Variants in ZNF716 observed in about 807,000 individuals in gnomAD.
The protein encoded by ZNF716 is zinc finger protein 716.
ZNF716 carries 9 observed loss-of-function variants against 13.4 expected under a neutral mutation model. That is an observed-to-expected ratio of 0.67 (90% confidence interval 0.41 to 1.18). The LOEUF (loss-of-function observed/expected upper bound fraction) is 1.18, where lower values mean the gene tolerates loss of function less well. Ranked by LOEUF, ZNF716 falls within the 50% of genes most tolerant of loss-of-function variation. The pLI is 0.01. For synonymous variants in ZNF716, 186 were observed against 195.2 expected, an observed-to-expected ratio of 0.95 and a Z score of 0.39; for missense variants, 581 against 576.6, an observed-to-expected ratio of 1.01 and a Z score of -0.08.
chr7:57,462,520 G>A lies in ZNF716; in HGVS notation c.100G>A (p.Asp34Asn), dbSNP rs782649551. 1.2e-6 allele frequency: 2 copies of A among 1,613,808 alleles called. No homozygotes were observed. Among genetic ancestry groups the A allele is most frequent in the African/African-American group, 2.7e-5 (2 of 74,884 alleles). The stretch of plus-strand genomic sequence containing the variant: ...TTCTCTGGCGGAATGGCAATGCCTG[G>A]ATCATGCTCAGCAGAATTTATATAG... The part of the protein sequence containing the change: ...EFSLAEWQCL[D>N]HAQQNLYRDV... Residue 34 changes from aspartate to asparagine, a missense_variant, in exon 2 of 4, where the codon GAT becomes AAT. Physicochemically the swap from Asp to Asn is conservative, Grantham distance 23. Coordinates refer to ENST00000420713, the MANE Select transcript of ZNF716 (RefSeq NM_001159279.1).
chr7:57,458,277 G>A (rs1209405231), intron 1 of ZNF716, among the ~76,000 whole-genome samples: 3 of 152,114 alleles, frequency 2.0e-5, no homozygotes, highest in Admixed American at 1.3e-4. Flanking sequence ...CACCAGCAGC[G>A]TATAAGCATT....
intron 3 of ZNF716, among the ~76,000 whole-genome samples, chr7:57,466,136 GTAAC>G (rs782463202): frequency 3.8e-4 from 58 of 152,030 alleles, no homozygotes; most frequent in Non-Finnish European, 7.2e-4. Flanking sequence ...GTATACATAT[GTAAC>G]TAACCTGCAC....
At chr7:57,459,457 A>G (rs1291750616) in intron 1 of ZNF716, among the ~76,000 whole-genome samples, 3 of 152,176 alleles carry the variant, frequency 2.0e-5, no homozygotes, top group Non-Finnish European at 4.4e-5. Flanking sequence ...TAGTATTGTG[A>G]CAAATGTGGT....
At chr7:57,458,743 TATAA>T (rs1456737400) in intron 1 of ZNF716, among the ~76,000 whole-genome samples, 43 of 152,312 alleles carry the variant, frequency 2.8e-4, no homozygotes, top group African/African-American at 9.9e-4. Flanking sequence ...TATAGTTATT[TATAA>T]ATAGTTATTT....
At chr7:57,462,235 A>G (rs533874653) in intron 1 of ZNF716, among the ~76,000 whole-genome samples, 11 of 152,068 alleles carry the variant, frequency 7.2e-5, no homozygotes, top group African/African-American at 2.7e-4. Flanking sequence ...TATCATATCT[A>G]CAGTGGTATT....
rs1303592132 is a variant in ZNF716 at position 57,450,196 on chromosome 7, C to T, written c.-93C>T. On this transcript the variant is annotated 5_prime_UTR_variant, in exon 1 of 4. Transcript: ENST00000420713. ...CGGGTTCTTTTTGCTTCTCTGCGCC[C>T]AGAGCTCCAGTCCTTCTCTTCACTG... is the stretch of plus-strand genomic sequence containing the variant. The T allele has an allele frequency of 1.0e-5, 16 of 1,584,950 alleles. No homozygotes were observed. The African/African-American group carries it at 1.5e-4, about 15-fold the overall frequency.
At chr7:57,453,692 C>T (rs1259100657) in intron 1 of ZNF716, among the ~76,000 whole-genome samples, 1 of 152,146 alleles carries the variant, frequency 6.6e-6, no homozygotes, top group Non-Finnish European at 1.5e-5. Flanking sequence ...TGAAAAATGT[C>T]TCTTCCATTA....
chr7:57,471,519 TAA>T lies in ZNF716; in HGVS notation c.*1572_*1573del, dbSNP rs1461697340. 1.3e-5 allele frequency: 2 copies of T among 152,038 alleles called. No homozygotes were observed. Among genetic ancestry groups the T allele is most frequent in the African/African-American group, 4.8e-5 (2 of 41,410 alleles). 9.4% of individuals were successfully genotyped at this position (152,038 alleles called of 1,614,324 possible). A position where few individuals can be genotyped will look rare whatever the true frequency, so the allele number is the denominator to read the frequency against. The stretch of plus-strand genomic sequence containing the variant: ...TATTCTAAAGACAAACATTAAAACA[TAA>T]AGAGGATTGTGTAGTACCTTTATTT... On this transcript the variant is annotated 3_prime_UTR_variant, in exon 4 of 4. Coordinates refer to ENST00000420713, the MANE Select transcript of ZNF716 (RefSeq NM_001159279.1).
rs781925734 is a variant in ZNF716, at chr7:57,469,511, A to G, written c.1050A>G (p.Lys350=). ...ATAAGATAGTTCATACTGGGGAGAA[A>G]CTCTACACATGTGAAGAATGTGGGA... ...KKHKIVHTGE[K]LYTCEECGKA... Residue 350 remains lysine (K), a synonymous_variant, in exon 4 of 4, where the codon AAA becomes AAG. Coordinates refer to ENST00000420713, the MANE Select transcript of ZNF716 (RefSeq NM_001159279.1). 5.6e-6 allele frequency: 9 copies of G among 1,611,394 alleles called. No homozygotes were observed. The highest frequency in any genetic ancestry group is 7.6e-6 in the Non-Finnish European group (9 of 1,178,758).
Position 57,468,831 on chromosome 7 carries a change from C to A in ZNF716, c.370C>A (p.Gln124Lys), listed in dbSNP as rs1789858612. The A allele has an allele frequency of 3.7e-6, 6 of 1,613,514 alleles. No homozygotes were observed. The highest frequency in any genetic ancestry group is 5.1e-6 in the Non-Finnish European group (6 of 1,179,776). The change falls in exon 4 of 4, where the codon CAA (glutamine) becomes AAA (lysine). Residue 124 changes from glutamine (Q) to lysine (K), a missense_variant. Physicochemically the swap from Gln to Lys is moderately conservative, Grantham distance 53 (BLOSUM62 1). Transcript: ENST00000420713. ...TGGAAAATGTGGACAGGAGGATTTA[C>A]AAGTAAAAAAATGCTGTAAAAGTGT... ...RYGKCGQEDL[Q>K]VKKCCKSVGE...
chr7:57,469,779 G>A lies in ZNF716; in HGVS notation c.1318G>A (p.Glu440Lys). 6 of 1,608,646 alleles carry A rather than the reference G, an allele frequency of 3.7e-6. No homozygotes were observed. The highest frequency in any genetic ancestry group is 5.1e-6 in the Non-Finnish European group (6 of 1,177,228). Reference protein sequence around the residue: ...HTGEKLYKCKECGKAFTFSST... With the variant: ...HTGEKLYKCKKCGKAFTFSST... Reference sequence around the variant, plus strand: ...TGGAGAGAAACTCTACAAATGTAAAGAATGTGGGAAAGCCTTTACCTTCTC... The same window carrying A: ...TGGAGAGAAACTCTACAAATGTAAAAAATGTGGGAAAGCCTTTACCTTCTC... The change falls in exon 4 of 4, where the codon GAA (glutamate) becomes AAA (lysine). Residue 440 changes from glutamate to lysine, a missense_variant. Transcript: ENST00000420713.
intron 3 of ZNF716, among the ~76,000 whole-genome samples, chr7:57,466,912 A>G (rs1583722964): frequency 6.6e-6 from 1 of 152,046 alleles, no homozygotes; most frequent in South Asian, 2.1e-4. Context: ...TTATATATGC[A>G]TATACATATA....
chr7:57,470,649 A>G lies in ZNF716; in HGVS notation c.*700A>G, dbSNP rs1357847392. 1 of 152,128 alleles carries G rather than the reference A, an allele frequency of 6.6e-6. No homozygotes were observed. The highest frequency in any genetic ancestry group is 1.5e-5 in the Non-Finnish European group (1 of 68,040). The allele number at this position is 152,128 out of a possible 1,614,324, so 9.4% of individuals were successfully genotyped here. A position where few individuals can be genotyped will look rare whatever the true frequency, so the allele number is the denominator to read the frequency against. On this transcript the variant is annotated 3_prime_UTR_variant, in exon 4 of 4. Transcript: ENST00000420713. The stretch of plus-strand genomic sequence containing the variant: ...AATAAGGAATATGGAAATGTCTTTT[A>G]AAAGTCCTCAAACTTTTTGTTTGAA...
chr7:57,454,593 C>A (rs1467747004), intron 1 of ZNF716, among the ~76,000 whole-genome samples: 4 of 152,204 alleles, frequency 2.6e-5, no homozygotes, highest in African/African-American at 9.6e-5. Context: ...GCAGGGAAAC[C>A]TGGGGACCCA....
Position 57,470,104 on chromosome 7 carries a change from G to C in ZNF716, c.*155G>C. On this transcript the variant is annotated 3_prime_UTR_variant, in exon 4 of 4. Transcript: ENST00000420713. ...CATATTGGACAAAAGTCTTATAAAT[G>C]TAAAAAAAAAAGTAACAGCCTTTAA... The C allele has an allele frequency of 1.3e-6, 1 of 744,998 alleles. No individual in the cohort carries two copies. The highest frequency in any genetic ancestry group is 2.0e-6 in the Non-Finnish European group (1 of 496,220). 46.1% of individuals were successfully genotyped at this position (744,998 alleles called of 1,614,324 possible).
At chr7:57,450,474 C>A in intron 1 of ZNF716, 147 bp downstream of exon 1, 1 of 1,423,332 alleles carries the variant, frequency 7.0e-7, no homozygotes. Flanking sequence ...GCTCTTAGTC[C>A]CCTCGAGCGT....
intron 1 of ZNF716, among the ~76,000 whole-genome samples, chr7:57,461,286 A>G (rs1436878361): frequency 1.4e-4 from 22 of 152,148 alleles, no homozygotes; most frequent in African/African-American, 5.3e-4. Flanking sequence ...CATAAAATAT[A>G]TATAGTTACA....
At chr7:57,455,141 G>A (rs1221766087) in intron 1 of ZNF716, among the ~76,000 whole-genome samples, 2 of 152,088 alleles carry the variant, frequency 1.3e-5, no homozygotes, top group Non-Finnish European at 2.9e-5. Context: ...TAGCAAACAA[G>A]TTTAGAAAGA....
chr7:57,452,653 GA>G (rs1562674161), intron 1 of ZNF716, among the ~76,000 whole-genome samples: 1 of 151,958 alleles, frequency 6.6e-6, no homozygotes, highest in Non-Finnish European at 1.5e-5. Context: ...GAAAAAAAAA[GA>G]AAGCAGAGAT....
Sources: allele counts gnomAD v4.1 joint callset (sites outside exome capture counted in the v4.1 genomes callset), GRCh38; gene constraint gnomAD v4.1.1; transcripts MANE v1.5; gene names NCBI Gene and HGNC (gene_info 2026-07-23, HGNC 2026-07-21).